PLCZ1: variants seen among roughly 807,000 people sequenced by gnomAD.
The protein encoded by PLCZ1 is 1-phosphatidylinositol 4,5-bisphosphate phosphodiesterase zeta-1.
PLCZ1 carries 64 observed loss-of-function variants against 76.8 expected under a neutral mutation model. That is an observed-to-expected ratio of 0.83 (90% CI 0.68 to 1.03). PLCZ1 has a LOEUF of 1.03. Among genes scored for constraint, PLCZ1 ranks in the 50% least tolerant of loss-of-function variants. The pLI, the probability that PLCZ1 is intolerant of heterozygous loss-of-function variation, is 0.00. For synonymous variants in PLCZ1, 248 were observed against 230.8 expected (o/e 1.07, Z -0.68); for missense variants, 751 against 713.7 (o/e 1.05, Z -0.60).
At chr12:18,701,317 G>A (rs565852076) in intron 9 of PLCZ1, among the ~76,000 whole-genome samples, 184 bp downstream of exon 9, 86 of 152,138 alleles carry the variant, frequency 5.7e-4, no homozygotes, top group African/African-American at 2.0e-3. Context: ...GCTAACATAA[G>A]AAAAGAGGCA....
chr12:18,684,741 A>G (rs1404371581), intron 13 of PLCZ1, among the ~76,000 whole-genome samples: 1 of 152,048 alleles, frequency 6.6e-6, no homozygotes, highest in Non-Finnish European at 1.5e-5. Context: ...ATTTTTCTAT[A>G]CTAAGTCCTT....
intron 7 of PLCZ1, among the ~76,000 whole-genome samples, chr12:18,704,149 G>A (rs1192696935): frequency 6.6e-6 from 1 of 152,134 alleles, no homozygotes; most frequent in African/African-American, 2.4e-5. Flanking sequence ...AGTATTGAAT[G>A]TTAATGAGAG....
intron 3 of PLCZ1, among the ~76,000 whole-genome samples, chr12:18,732,519 A>G (rs1959111499): frequency 6.6e-6 from 1 of 152,168 alleles, no homozygotes; most frequent in African/African-American, 2.4e-5. Context: ...ACTTTTAAAT[A>G]TGCAACACAA....
At chr12:18,702,345 A>G (rs1257327033) in intron 7 of PLCZ1, among the ~76,000 whole-genome samples, 1 of 152,160 alleles carries the variant, frequency 6.6e-6, no homozygotes, top group Admixed American at 6.5e-5. Context: ...AAAATTTACC[A>G]TCAGTGTCAC....
At chr12:18,676,367 C>T in the PLCZ1 span, among the ~76,000 whole-genome samples, 3 of 151,996 alleles carry the variant, frequency 2.0e-5, no homozygotes, top group Admixed American at 1.3e-4. Flanking sequence ...TAATCCATGT[C>T]CCATAGTCAG....
the PLCZ1 span, among the ~76,000 whole-genome samples, chr12:18,661,611 C>A: frequency 6.6e-6 from 1 of 152,180 alleles, no homozygotes; most frequent in Middle Eastern, 3.4e-3. Context: ...CATCTCACAC[C>A]AGTCAGAATG....
the PLCZ1 span, among the ~76,000 whole-genome samples, chr12:18,653,216 G>A: frequency 5.9e-5 from 9 of 152,132 alleles, no homozygotes; most frequent in Middle Eastern, 3.2e-3. Context: ...GTCAGGAGTT[G>A]ATTCCCAGAG....
intron 2 of PLCZ1, among the ~76,000 whole-genome samples, chr12:18,737,037 GATA>G (rs1369020457): frequency 1.3e-5 from 2 of 152,026 alleles, no homozygotes; most frequent in African/African-American, 4.8e-5. Flanking sequence ...ATCGAAATGA[GATA>G]ATGACAATTA....
chr12:18,713,337 G>C (rs2137435515), intron 5 of PLCZ1, among the ~76,000 whole-genome samples: 1 of 152,132 alleles, frequency 6.6e-6, no homozygotes, highest in Middle Eastern at 3.4e-3. Flanking sequence ...TTTTACTTAT[G>C]GTGGCATTTA....
In PLCZ1 at chr12:18,696,696, C is replaced by T. The variant is rs137930668; in HGVS notation, c.1175-430G>A. Among the ~76,000 whole-genome samples, 1,324 of 152,072 alleles carry T rather than the reference C, an allele frequency of 8.7e-3. 21 individuals are homozygous for T. The highest frequency in any genetic ancestry group is 0.03 in the African/African-American group (1,258 of 41,488). On this transcript the variant is annotated intron_variant, in intron 10 of 14. Coordinates refer to ENST00000266505, the MANE Select transcript of PLCZ1 (RefSeq NM_033123.4). ...CAGTAGGGCAGAATCATATGGAAGT[C>T]ACACAAAGCTATACGATTCCAGCTA...
At position 18,684,133 on chromosome 12, in the gene PLCZ1, T is replaced by C; in HGVS notation, c.1738A>G (p.Lys580Glu). 6.2e-7 allele frequency: 1 copy of C among 1,611,514 alleles called. No individual in the cohort carries two copies. The highest frequency in any genetic ancestry group is 8.5e-7 in the Non-Finnish European group (1 of 1,178,530). The stretch of plus-strand genomic sequence containing the variant: ...ATCTAACTTTTAGGGACATTACCTT[T>C]GTTCATGCATAGAAGTGGCAAAGTA... ...QYTLPLLCMN[K>E]GYRRIPLFSR... Residue 580 changes from lysine (K) to glutamate (E), a missense_variant, in exon 14 of 15, where the codon AAA (lysine) becomes GAA (glutamate). Lys to Glu is a moderately conservative substitution (Grantham distance 56, BLOSUM62 1). Transcript: ENST00000266505.
chr12:18,648,502 G>T, the PLCZ1 span: 50,176 of 176,604 alleles, frequency 0.28, 8,497 homozygotes, highest in South Asian at 0.49. Flanking sequence ...GAGGGAATTG[G>T]TATATTTCAG....
chr12:18,729,985 T>A (rs935149435), intron 3 of PLCZ1, among the ~76,000 whole-genome samples: 1 of 152,166 alleles, frequency 6.6e-6, no homozygotes, highest in South Asian at 2.1e-4. Context: ...ATTGAGCACC[T>A]ATTTTGTGTC....
the PLCZ1 span, among the ~76,000 whole-genome samples, chr12:18,666,941 G>A: frequency 6.6e-6 from 1 of 152,080 alleles, no homozygotes; most frequent in Non-Finnish European, 1.5e-5. Flanking sequence ...CAGGTTTCAG[G>A]GTTTTAACCA....
chr12:18,728,008 T>C (rs1049664055), intron 3 of PLCZ1, among the ~76,000 whole-genome samples: 16 of 152,102 alleles, frequency 1.1e-4, no homozygotes, highest in African/African-American at 3.9e-4. Flanking sequence ...CTTAGATAAC[T>C]GAGAATGGTG....
the PLCZ1 span, among the ~76,000 whole-genome samples, chr12:18,656,590 G>A: frequency 5.9e-5 from 9 of 151,626 alleles, no homozygotes; most frequent in African/African-American, 1.9e-4. Flanking sequence ...AAATAAAATA[G>A]CCAGGCATGG....
chr12:18,732,354 G>T (rs569345622), intron 3 of PLCZ1, among the ~76,000 whole-genome samples: 1 of 152,224 alleles, frequency 6.6e-6, no homozygotes, highest in Admixed American at 6.5e-5. Context: ...GTTTCACCAT[G>T]TTGTACAGAC....
At chr12:18,669,508 A>C in the PLCZ1 span, among the ~76,000 whole-genome samples, 2 of 152,216 alleles carry the variant, frequency 1.3e-5, no homozygotes, top group African/African-American at 2.4e-5. Context: ...GGTGGCTTAA[A>C]CAACAGAAAT....
chr12:18,707,928 G>A (rs925664269), intron 6 of PLCZ1, among the ~76,000 whole-genome samples: 26 of 152,130 alleles, frequency 1.7e-4, no homozygotes, highest in African/African-American at 4.8e-4. Context: ...TGGAACACAC[G>A]TAGATAGTAA....
Sources: gnomAD v4.1 joint callset for allele counts (sites outside exome capture counted in the v4.1 genomes callset) on GRCh38, gnomAD v4.1.1 for gene constraint, MANE v1.5 for transcripts, NCBI Gene and HGNC (gene_info 2026-07-23, HGNC 2026-07-21) for gene names.